The following RIMS2 variants were observed in gnomAD, a reference collection of about 807,000 sequenced individuals.
The protein encoded by RIMS2 is regulating synaptic membrane exocytosis 2, also known as regulating synaptic membrane exocytosis protein 2.
RIMS2 carries 59 observed loss-of-function variants against 174.4 expected under a neutral mutation model. The ratio of observed to expected loss-of-function variants is 0.34; its 90% CI spans 0.27 to 0.42. The LOEUF (loss-of-function observed/expected upper bound fraction) is 0.42, where lower values mean the gene tolerates loss of function less well. Among genes scored for constraint, RIMS2 ranks in the 10% least tolerant of loss-of-function variants. The pLI, the probability that RIMS2 is intolerant of heterozygous loss-of-function variation, is 1.00. For synonymous variants in RIMS2, 606 were observed against 572.5 expected (o/e 1.06, Z -0.84); for missense variants, 1,620 against 1,666.3 (o/e 0.97, Z 0.48).
At chr8:104,040,906 C>A (rs889182105) in intron 19 of RIMS2, among the ~76,000 whole-genome samples, 5 of 151,554 alleles carry the variant, frequency 3.3e-5, no homozygotes, top group Non-Finnish European at 7.4e-5. Context: ...TCAATTAAAT[C>A]TTTTCTTCAG....
At chr8:104,137,323 A>T (rs930929290) in intron 19 of RIMS2, among the ~76,000 whole-genome samples, 3 of 152,144 alleles carry the variant, frequency 2.0e-5, no homozygotes, top group African/African-American at 7.2e-5. Context: ...CATATTCTAG[A>T]CATTGTGCTA....
intron 17 of RIMS2, among the ~76,000 whole-genome samples, chr8:104,005,770 A>C (rs1007349560): frequency 3.3e-5 from 5 of 152,084 alleles, no homozygotes; most frequent in Admixed American, 3.3e-4. Flanking sequence ...TGTCCAGATT[A>C]ATGATGAGGG....
At chr8:104,185,108 A>C (rs2098961218) in intron 19 of RIMS2, among the ~76,000 whole-genome samples, 1 of 151,584 alleles carries the variant, frequency 6.6e-6, no homozygotes, top group Non-Finnish European at 1.5e-5. Context: ...TCTTATGAAT[A>C]AATGAAACTG....
intron 3 of RIMS2, among the ~76,000 whole-genome samples, chr8:103,783,717 G>T (rs1243261758): frequency 2.0e-5 from 3 of 151,876 alleles, no homozygotes; most frequent in African/African-American, 7.3e-5. Flanking sequence ...GAATAATGCT[G>T]CAATAAACAT....
At chr8:103,919,443 T>C (rs1428871401) in intron 9 of RIMS2, among the ~76,000 whole-genome samples, 1 of 151,816 alleles carries the variant, frequency 6.6e-6, no homozygotes, top group African/African-American at 2.4e-5. Flanking sequence ...TGACTTTTAC[T>C]TTCAGGAAAA....
At chr8:103,983,717 C>CTAG (rs1269564442) in intron 16 of RIMS2, among the ~76,000 whole-genome samples, 19 of 152,060 alleles carry the variant, frequency 1.2e-4, no homozygotes, top group African/African-American at 4.3e-4. Flanking sequence ...GAAACTTGAC[C>CTAG]CCTATCTCTT....
intron 19 of RIMS2, among the ~76,000 whole-genome samples, chr8:104,106,424 T>G (rs1446718402): frequency 1.3e-5 from 2 of 152,060 alleles, no homozygotes; most frequent in Non-Finnish European, 2.9e-5. Context: ...TAGAGTTATA[T>G]ACATTAAAAA....
chr8:104,105,724 C>A (rs546699523), intron 19 of RIMS2, among the ~76,000 whole-genome samples: 13 of 152,096 alleles, frequency 8.5e-5, no homozygotes, highest in Non-Finnish European at 1.6e-4. Context: ...TACATGCCAC[C>A]ATGCCTGGCT....
At chr8:103,713,120 G>A (rs1473684205) in intron 2 of RIMS2, among the ~76,000 whole-genome samples, 1 of 152,032 alleles carries the variant, frequency 6.6e-6, no homozygotes. Context: ...CTGGGTTCAA[G>A]TGATTCTCCT....
chr8:103,608,801 C>A (rs2095254453), intron 1 of RIMS2, among the ~76,000 whole-genome samples: 2 of 152,218 alleles, frequency 1.3e-5, no homozygotes. Context: ...AGGGAACTCC[C>A]TGATCCGTTG....
chr8:103,547,564 T>C (rs986652108), intron 1 of RIMS2, among the ~76,000 whole-genome samples: 1 of 152,106 alleles, frequency 6.6e-6, no homozygotes, highest in Non-Finnish European at 1.5e-5. Flanking sequence ...ATTGGAAAGA[T>C]TTTAAATTAA....
At chr8:103,921,826 A>G in intron 10 of RIMS2, 42 bp downstream of exon 13, 4 of 763,214 alleles carry the variant, frequency 5.2e-6, no homozygotes, top group East Asian at 2.6e-5. Flanking sequence ...GGAATATCAA[A>G]TAGTGTTTTT....
chr8:103,616,289 T>C (rs1265760016), intron 1 of RIMS2, among the ~76,000 whole-genome samples: 1 of 152,188 alleles, frequency 6.6e-6, no homozygotes, highest in African/African-American at 2.4e-5. Context: ...TCTCAATAGA[T>C]GCAGAAAAGG....
intron 1 of RIMS2, among the ~76,000 whole-genome samples, chr8:103,604,335 T>C (rs1391076018): frequency 6.6e-6 from 1 of 151,962 alleles, no homozygotes; most frequent in Non-Finnish European, 1.5e-5. Context: ...TTCTGAGGGC[T>C]CTGTTCTGTT....
At chr8:103,760,037 C>G (rs1259306861) in intron 2 of RIMS2, among the ~76,000 whole-genome samples, 2 of 152,194 alleles carry the variant, frequency 1.3e-5, no homozygotes, top group Admixed American at 6.5e-5. Flanking sequence ...AAAGAAGAAT[C>G]TGGCAAGTGT....
intron 1 of RIMS2, among the ~76,000 whole-genome samples, chr8:103,501,828 T>C (rs1288838556): frequency 6.6e-6 from 1 of 152,212 alleles, no homozygotes. Context: ...GCTCACGGTC[T>C]TGGCAGGCCG....
At chr8:103,827,295 CT>C (rs915817565) in intron 3 of RIMS2, among the ~76,000 whole-genome samples, 4 of 152,260 alleles carry the variant, frequency 2.6e-5, no homozygotes, top group African/African-American at 7.2e-5. Flanking sequence ...TAAAATCTAA[CT>C]TATTTTTAAT....
chr8:103,660,720 T>G (rs2096589688), intron 1 of RIMS2, among the ~76,000 whole-genome samples: 1 of 152,224 alleles, frequency 6.6e-6, no homozygotes, highest in African/African-American at 2.4e-5. Flanking sequence ...AATGTAAAAT[T>G]GCCAGAATCT....
rs147525803 is a variant in RIMS2, at chr8:104,010,856, C to G, written c.3045-2586C>G. 2.2e-4 allele frequency among the ~76,000 whole-genome samples: 34 copies of G among 152,012 alleles called. 1 individual carries two copies. The highest frequency in any genetic ancestry group is 8.0e-4 in the African/African-American group (33 of 41,458). ...TTGGAATAATATTTTATATGCATAA[C>G]ATAAAATAAGGTAAATAAAATGGTT... On this transcript the variant is annotated intron_variant, in intron 17 of 23. Coordinates refer to ENST00000504942, the Ensembl canonical transcript of RIMS2.
Sources: gnomAD v4.1 joint callset for allele counts (sites outside exome capture counted in the v4.1 genomes callset) on GRCh38, gnomAD v4.1.1 for gene constraint, MANE v1.5 for transcripts, NCBI Gene and HGNC (gene_info 2026-07-23, HGNC 2026-07-21) for gene names.